The following CRACR2A variants were observed in gnomAD, a reference collection of about 807,000 sequenced individuals.
CRACR2A encodes the protein calcium release activated channel regulator 2A.
CRACR2A carries 79 observed loss-of-function variants against 90.5 expected under a neutral mutation model. The ratio of observed to expected loss-of-function variants is 0.87; its 90% CI spans 0.73 to 1.05. The LOEUF is 1.05. Among genes scored for constraint, CRACR2A ranks in the 50% least tolerant of loss-of-function variants. The probability of loss-of-function intolerance (pLI) is 0.00; values close to 1 mark genes in which losing one functional copy is unlikely to be tolerated. For missense variants in CRACR2A, 823 were observed against 897.2 expected (o/e 0.92, Z 1.06); for synonymous variants, 338 against 356.7 (o/e 0.95, Z 0.59).
chr12:3,645,749 C>T (rs765353217), intron 11 of CRACR2A, among the ~76,000 whole-genome samples: 1 of 152,058 alleles, frequency 6.6e-6, no homozygotes, highest in Non-Finnish European at 1.5e-5. Context: ...GGAGTGGAGA[C>T]AGTGAATGTG....
At chr12:3,640,416 G>T in intron 13 of CRACR2A, 1 of 811,322 alleles carries the variant, frequency 1.2e-6, no homozygotes, top group Non-Finnish European at 1.6e-6. Flanking sequence ...TAATAATGGA[G>T]ATTAATGGTA....
At chr12:3,707,274 T>G (rs1251818413) in intron 3 of CRACR2A, among the ~76,000 whole-genome samples, 2 of 152,186 alleles carry the variant, frequency 1.3e-5, no homozygotes, top group African/African-American at 4.8e-5. Context: ...CTTGTTCTAG[T>G]CTCAAGGGAG....
At position 3,648,546 on chromosome 12, in the gene CRACR2A, G is replaced by A. The variant is rs1005907767; in HGVS notation, c.1114C>T (p.Leu372=). The A allele has an allele frequency of 6.2e-7, 1 of 1,614,184 alleles. No individual in the cohort carries two copies. Among genetic ancestry groups the A allele is most frequent in the South Asian group, 1.1e-5 (1 of 91,074 alleles). The change falls in exon 11 of 20, where the codon CTA becomes TTA. Residue 372 remains leucine (L), a synonymous_variant. Transcript: ENST00000440314. Reference sequence around the variant, plus strand: ...GGCCAGTGCCCACCGACGCACCTTAGGAAATCCAGCTGCTTGAGGAGCCCG... The same window carrying A: ...GGCCAGTGCCCACCGACGCACCTTAAGAAATCCAGCTGCTTGAGGAGCCCG... ...KAGLLKQLDF[L]RERNKHLRDE... is the part of the protein sequence containing the mutation.
At chr12:3,695,954 C>T (rs1945732024) in intron 4 of CRACR2A, among the ~76,000 whole-genome samples, 1 of 152,248 alleles carries the variant, frequency 6.6e-6, no homozygotes, top group African/African-American at 2.4e-5. Flanking sequence ...AACCAGCAAT[C>T]CCCTATTTTG....
intron 6 of CRACR2A, among the ~76,000 whole-genome samples, chr12:3,675,483 G>A (rs919943804): frequency 6.6e-6 from 1 of 152,138 alleles, no homozygotes; most frequent in Non-Finnish European, 1.5e-5. Context: ...TCACAAATGG[G>A]ACTAGTGCCA....
At chr12:3,704,949 A>G (rs1007171292) in intron 3 of CRACR2A, among the ~76,000 whole-genome samples, 3 of 152,222 alleles carry the variant, frequency 2.0e-5, no homozygotes, top group Non-Finnish European at 4.4e-5. Flanking sequence ...AGTGGAAAAC[A>G]AAACAGCAGA....
At chr12:3,684,945 AG>A (rs1945526265) in intron 4 of CRACR2A, among the ~76,000 whole-genome samples, 1 of 152,230 alleles carries the variant, frequency 6.6e-6, no homozygotes, top group South Asian at 2.1e-4. Context: ...CAGATTAAGT[AG>A]CCAAGACAGG....
intron 14 of CRACR2A, among the ~76,000 whole-genome samples, chr12:3,637,379 C>A (rs997720992): frequency 6.6e-6 from 1 of 152,168 alleles, no homozygotes; most frequent in Admixed American, 6.5e-5. Flanking sequence ...GAATCTGAAT[C>A]GGAAGAGAGA....
At chr12:3,733,509 G>T (rs139391588) in intron 1 of CRACR2A, among the ~76,000 whole-genome samples, 1 of 152,188 alleles carries the variant, frequency 6.6e-6, no homozygotes, top group East Asian at 1.9e-4. Context: ...AGGGGTGCTC[G>T]GAGAAGTGTT....
chr12:3,655,693 C>A (rs1424481189), intron 9 of CRACR2A, among the ~76,000 whole-genome samples: 1 of 152,222 alleles, frequency 6.6e-6, no homozygotes, highest in Non-Finnish European at 1.5e-5. Context: ...CATAGAGACA[C>A]AGCCATATAG....
At chr12:3,727,878 TA>T (rs796412954) in intron 2 of CRACR2A, 20 of 148,866 alleles carry the variant, frequency 1.3e-4, no homozygotes, top group African/African-American at 3.4e-4. Flanking sequence ...CTCCTGAATC[TA>T]AAAAAAAAAT....
chr12:3,678,144 TA>T (rs1293590171), intron 6 of CRACR2A, among the ~76,000 whole-genome samples: 1 of 152,224 alleles, frequency 6.6e-6, no homozygotes, highest in Admixed American at 6.5e-5. Flanking sequence ...CAGAAGGTAT[TA>T]CATGCTTTTC....
chr12:3,696,728 A>T, intron 4 of CRACR2A, 44 bp downstream of exon 4: 2 of 1,612,678 alleles, frequency 1.2e-6, no homozygotes, highest in Non-Finnish European at 1.7e-6. Flanking sequence ...ACAGGAAGAC[A>T]TCTGGCATTC....
chr12:3,740,676 T>A (rs1184744488), intron 1 of CRACR2A, among the ~76,000 whole-genome samples: 1 of 152,190 alleles, frequency 6.6e-6, no homozygotes, highest in East Asian at 1.9e-4. Flanking sequence ...GCTGTGTGAA[T>A]TGCAAACACC....
At chr12:3,696,698 G>A (rs1241620422) in intron 4 of CRACR2A, 74 bp downstream of exon 4, 8 of 1,595,752 alleles carry the variant, frequency 5.0e-6, no homozygotes, top group Non-Finnish European at 6.8e-6. Context: ...CACCTCCCAC[G>A]GGGCAAGCTC....
At chr12:3,644,675 G>C in intron 11 of CRACR2A, 35 bp from the exon 12 acceptor site, 2 of 1,550,032 alleles carry the variant, frequency 1.3e-6, no homozygotes, top group Non-Finnish European at 1.7e-6. Context: ...TTCAAACATG[G>C]AGTTTGCAGT....
At chr12:3,677,974 T>C (rs1945366708) in intron 6 of CRACR2A, among the ~76,000 whole-genome samples, 1 of 151,982 alleles carries the variant, frequency 6.6e-6, no homozygotes, top group Admixed American at 6.6e-5. Context: ...TCTTCTCTCT[T>C]GTCTCCTTTT....
At chr12:3,670,127 G>A (rs1019868350) in intron 7 of CRACR2A, among the ~76,000 whole-genome samples, 2 of 152,214 alleles carry the variant, frequency 1.3e-5, no homozygotes, top group African/African-American at 4.8e-5. Flanking sequence ...TCAGAGCCTG[G>A]CATGGAGGGA....
Position 3,633,876 on chromosome 12 carries a change from C to T in CRACR2A, c.1603-140G>A. The T allele has an allele frequency of 1.7e-6, 2 of 1,159,668 alleles. No individual in the cohort carries two copies. Among genetic ancestry groups the T allele is most frequent in the Non-Finnish European group, 2.4e-6 (2 of 831,674 alleles). 71.8% of individuals were successfully genotyped at this position (1,159,668 alleles called of 1,614,324 possible). ...CCTCTAGACCTGCACCAGGAGGCTG[C>T]CACAGCCTCAGAATGCAGTGAGCAT... On this transcript the variant is annotated intron_variant, in intron 14 of 19. Transcript: ENST00000440314. This position sits in a 1 kb window ranked among gnomAD's most constrained non-coding sequence, Gnocchi z 4.5.
Sources: gnomAD v4.1 joint callset for allele counts (sites outside exome capture counted in the v4.1 genomes callset) on GRCh38, gnomAD v4.1.1 for gene constraint, Gnocchi (gnomAD v3.1) non-coding constraint, MANE v1.5 for transcripts, NCBI Gene and HGNC (gene_info 2026-07-23, HGNC 2026-07-21) for gene names.